GMDS: variants seen among roughly 807,000 people sequenced by gnomAD.
GMDS encodes GDP-mannose 4,6-dehydratase.
In GMDS, 20 loss-of-function variants were observed where a neutral mutation model predicts 49.9. The observed-to-expected ratio is 0.40, with a 90% CI of 0.28 to 0.58. The LOEUF (loss-of-function observed/expected upper bound fraction) is 0.58, where lower values mean the gene tolerates loss of function less well. GMDS is among the 20% of genes least tolerant of loss of function. The pLI, the probability that GMDS is intolerant of heterozygous loss-of-function variation, is 0.42. For missense variants in GMDS, 362 were observed against 481.4 expected (o/e 0.75, Z 2.32); for synonymous variants, 177 against 178.6 (o/e 0.99, Z 0.07).
intron 4 of GMDS, among the ~76,000 whole-genome samples, chr6:2,107,623 G>A (rs1387337145): frequency 2.6e-5 from 4 of 152,194 alleles, no homozygotes; most frequent in African/African-American, 9.7e-5. Flanking sequence ...AGGGACAACA[G>A]GACTGATCAG....
intron 4 of GMDS, among the ~76,000 whole-genome samples, chr6:2,092,753 C>G (rs1314159441): frequency 6.6e-6 from 1 of 152,070 alleles, no homozygotes; most frequent in Non-Finnish European, 1.5e-5. Flanking sequence ...TTAAACAGAA[C>G]TAGAAAGACT....
At chr6:1,704,945 G>T (rs1395543694) in intron 9 of GMDS, among the ~76,000 whole-genome samples, 2 of 152,110 alleles carry the variant, frequency 1.3e-5, no homozygotes, top group African/African-American at 4.8e-5. Context: ...GAATGGTTGT[G>T]TTATTAAAGC....
intron 7 of GMDS, among the ~76,000 whole-genome samples, chr6:1,812,735 A>G (rs1770489652): frequency 6.6e-6 from 1 of 152,154 alleles, no homozygotes; most frequent in Non-Finnish European, 1.5e-5. Context: ...GAGATTTGTT[A>G]GTGTAAATTC....
intron 2 of GMDS, among the ~76,000 whole-genome samples, chr6:2,123,447 A>G (rs563846811): frequency 6.6e-6 from 1 of 152,326 alleles, no homozygotes; most frequent in Non-Finnish European, 1.5e-5. Context: ...GATACACAAC[A>G]ACATCACTAA....
chr6:1,999,307 C>G (rs113665792), intron 4 of GMDS, among the ~76,000 whole-genome samples: 3 of 107,758 alleles, frequency 2.8e-5, no homozygotes, highest in African/African-American at 3.7e-5. Context: ...GGTGACAGAG[C>G]GAGACTCTGT....
intron 6 of GMDS, among the ~76,000 whole-genome samples, chr6:1,941,389 G>A (rs1256715964): frequency 5.3e-5 from 8 of 152,098 alleles, no homozygotes; most frequent in African/African-American, 1.9e-4. Flanking sequence ...GCCAGATGAG[G>A]AGGAAGCAGT....
chr6:2,207,288 G>A (rs1779849084), intron 1 of GMDS, among the ~76,000 whole-genome samples: 1 of 151,860 alleles, frequency 6.6e-6, no homozygotes, highest in African/African-American at 2.4e-5. Flanking sequence ...AGAAGGTAAA[G>A]GCACAGGGGA....
At chr6:2,190,424 TG>T (rs1291911962) in intron 1 of GMDS, among the ~76,000 whole-genome samples, 1 of 152,216 alleles carries the variant, frequency 6.6e-6, no homozygotes, top group African/African-American at 2.4e-5. Context: ...AGTAATCTCA[TG>T]ATCCTCACTT....
At chr6:2,034,893 T>C (rs567026120) in intron 4 of GMDS, among the ~76,000 whole-genome samples, 1 of 152,224 alleles carries the variant, frequency 6.6e-6, no homozygotes, top group South Asian at 2.1e-4. Flanking sequence ...GTAGGCATCA[T>C]TCCCAAGGTC....
At chr6:2,090,594 G>C (rs888548189) in intron 4 of GMDS, among the ~76,000 whole-genome samples, 25 of 152,168 alleles carry the variant, frequency 1.6e-4, no homozygotes, top group Non-Finnish European at 3.4e-4. Context: ...TTGCTTTCTA[G>C]GATTCCAATC....
intron 4 of GMDS, among the ~76,000 whole-genome samples, chr6:1,971,999 AGC>A (rs1267023367): frequency 6.6e-6 from 1 of 152,126 alleles, no homozygotes; most frequent in Non-Finnish European, 1.5e-5. Context: ...AACGAAGAAC[AGC>A]TGCCCCAGCA....
chr6:1,991,976 T>C (rs1168826433), intron 4 of GMDS, among the ~76,000 whole-genome samples: 1 of 151,984 alleles, frequency 6.6e-6, no homozygotes, highest in Non-Finnish European at 1.5e-5. Flanking sequence ...TCGCTGCAAA[T>C]CCCTAGATGC....
At chr6:2,241,608 T>C (rs1561684581) in intron 1 of GMDS, among the ~76,000 whole-genome samples, 1 of 152,034 alleles carries the variant, frequency 6.6e-6, no homozygotes. Context: ...CTCCTCACTC[T>C]ATTAGCTCCC....
intron 7 of GMDS, among the ~76,000 whole-genome samples, chr6:1,918,128 C>A (rs181515280): frequency 6.6e-6 from 1 of 152,148 alleles, no homozygotes; most frequent in East Asian, 1.9e-4. Flanking sequence ...TGGGTACAGA[C>A]TGAGAGAGAG....
intron 4 of GMDS, among the ~76,000 whole-genome samples, chr6:2,007,273 GAACT>G (rs747770096): frequency 2.3e-4 from 35 of 152,258 alleles, no homozygotes; most frequent in African/African-American, 5.8e-4. Context: ...GTTACTGAAT[GAACT>G]AACAGGACCA....
intron 7 of GMDS, among the ~76,000 whole-genome samples, chr6:1,747,567 C>T (rs1767559100): frequency 6.6e-6 from 1 of 151,732 alleles, no homozygotes; most frequent in East Asian, 1.9e-4. Flanking sequence ...TAATAAAAAT[C>T]ATGGAAATTT....
At chr6:1,786,746 G>A (rs1769337955) in intron 7 of GMDS, among the ~76,000 whole-genome samples, 1 of 152,076 alleles carries the variant, frequency 6.6e-6, no homozygotes, top group Non-Finnish European at 1.5e-5. Flanking sequence ...TCCTAAATGA[G>A]ACAGTTGTAT....
At chr6:2,041,888 A>G (rs1338559032) in intron 4 of GMDS, among the ~76,000 whole-genome samples, 1 of 152,214 alleles carries the variant, frequency 6.6e-6, no homozygotes, top group Non-Finnish European at 1.5e-5. Flanking sequence ...TAAAAAGAAG[A>G]TATGTGTCCA....
intron 9 of GMDS, among the ~76,000 whole-genome samples, chr6:1,691,601 G>A (rs1284987975): frequency 6.6e-6 from 1 of 152,120 alleles, no homozygotes; most frequent in Non-Finnish European, 1.5e-5. Flanking sequence ...GTGTCCCTTT[G>A]GGAACTGCCT....
Sources: allele counts gnomAD v4.1 joint callset (sites outside exome capture counted in the v4.1 genomes callset), GRCh38; gene constraint gnomAD v4.1.1; transcripts MANE v1.5; gene names NCBI Gene and HGNC (gene_info 2026-07-23, HGNC 2026-07-21).